DNAJC18: variants seen among roughly 807,000 people sequenced by gnomAD.
DNAJC18 encodes dnaJ homolog subfamily C member 18.
A neutral mutation model predicts 48.6 loss-of-function variants in DNAJC18; 40 were observed. The observed-to-expected ratio is 0.82, with a 90% confidence interval of 0.64 to 1.07. The LOEUF (loss-of-function observed/expected upper bound fraction) is 1.07, where lower values mean the gene tolerates loss of function less well. DNAJC18 is among the 50% of genes least tolerant of loss of function. The probability of loss-of-function intolerance (pLI) is 0.00; values close to 1 mark genes in which losing one functional copy is unlikely to be tolerated. For missense variants in DNAJC18, 340 were observed against 427.7 expected (o/e 0.79, Z 1.81); for synonymous variants, 135 against 152.2 (o/e 0.89, Z 0.83).
chr5:139,417,983 G>A (rs1581413555), intron 7 of DNAJC18, among the ~76,000 whole-genome samples: 1 of 152,176 alleles, frequency 6.6e-6, no homozygotes, highest in East Asian at 1.9e-4. Flanking sequence ...CTTACCATGA[G>A]CTCTTTGTAT....
rs1758981270 is a variant in DNAJC18 at position 139,410,651 on chromosome 5, G to A, written c.*3497C>T. ...AACAGAAAGCCACTGGAACGGCACA[G>A]TGCCTCCTCACAAAGCCCATCCTGG... On this transcript the variant is annotated 3_prime_UTR_variant, in exon 8 of 8. Coordinates refer to ENST00000302060, the MANE Select transcript of DNAJC18 (RefSeq NM_152686.4). The A allele has an allele frequency of 6.6e-6, 1 of 152,256 alleles. No individual in the cohort carries two copies. The highest frequency in any genetic ancestry group is 6.5e-5 in the Admixed American group (1 of 15,286). The allele number at this position is 152,256 out of a possible 1,614,324, so 9.4% of individuals were successfully genotyped here.
rs1750697599 is a variant in DNAJC18, at chr5:139,437,546, G to A, written c.53C>T (p.Ala18Val). ...TTCTGGGTATTTGTTTCTTCTAACTGCGTCAATGTAAGCTGCAAACAACAG... is the reference window on the plus strand; with the variant it reads ...TTCTGGGTATTTGTTTCTTCTAACTACGTCAATGTAAGCTGCAAACAACAG... ...GERWTEAYID[A>V]VRRNKYPEDT... Residue 18 changes from alanine to valine, a missense_variant, in exon 2 of 8, where the codon GCA (alanine) becomes GTA (valine). Ala to Val is a moderately conservative substitution (Grantham distance 64, BLOSUM62 0). Transcript: ENST00000302060. 2 of 1,611,586 alleles carry A rather than the reference G, an allele frequency of 1.2e-6. No individual in the cohort carries two copies. The highest frequency in any genetic ancestry group is 1.1e-5 in the South Asian group (1 of 90,616).
intron 2 of DNAJC18, among the ~76,000 whole-genome samples, chr5:139,434,823 C>CA (rs1750609425): frequency 6.6e-6 from 1 of 151,890 alleles, no homozygotes; most frequent in Non-Finnish European, 1.5e-5. Flanking sequence ...TGTAGTTTTA[C>CA]TCTTCTTTCC....
At chr5:139,421,680 C>T (rs1288534808) in intron 6 of DNAJC18, among the ~76,000 whole-genome samples, 1 of 149,918 alleles carries the variant, frequency 6.7e-6, no homozygotes, top group Non-Finnish European at 1.5e-5. Flanking sequence ...TGGTGCGTGC[C>T]GCCTGTAATT....
At chr5:139,432,619 A>G (rs1561469550) in intron 2 of DNAJC18, among the ~76,000 whole-genome samples, 4 of 152,190 alleles carry the variant, frequency 2.6e-5, no homozygotes, top group Admixed American at 2.0e-4. Flanking sequence ...GGCATGCACC[A>G]TAACCCTGAG....
At chr5:139,428,478 A>G in intron 3 of DNAJC18, 60 bp downstream of exon 3, 1 of 1,567,654 alleles carries the variant, frequency 6.4e-7, no homozygotes, top group Non-Finnish European at 8.6e-7. Context: ...GAAGGCTAAA[A>G]GCAACTTATT....
In DNAJC18 at chr5:139,432,789, C is replaced by T. The variant is rs145204573; in HGVS notation, c.228-4106G>A. On this transcript the variant is annotated intron_variant, in intron 2 of 7. Coordinates refer to ENST00000302060, the MANE Select transcript of DNAJC18 (RefSeq NM_152686.4). The stretch of plus-strand genomic sequence containing the variant: ...GCTGGCAGCTGGTGTTCATCTTTTC[C>T]ATTCAAGGCTCAGGGGTTAGCAACT... Among the ~76,000 whole-genome samples the T allele has an allele frequency of 1.4e-4, 21 of 152,306 alleles. No individual in the cohort carries two copies. In the East Asian group the frequency reaches 4.0e-3, roughly 29 times the overall value.
chr5:139,433,147 A>G (rs886639340), intron 2 of DNAJC18, among the ~76,000 whole-genome samples: 2 of 152,180 alleles, frequency 1.3e-5, no homozygotes, highest in Admixed American at 1.3e-4. Flanking sequence ...TAAAAGCTTC[A>G]TTTTCAATAT....
chr5:139,439,322 T>C lies in DNAJC18; in HGVS notation c.40+84A>G. 6.2e-7 allele frequency: 1 copy of C among 1,602,408 alleles called. No individual in the cohort carries two copies. Among genetic ancestry groups the C allele is most frequent in the African/African-American group, 1.3e-5 (1 of 74,804 alleles). On this transcript the variant is annotated intron_variant, in intron 1 of 7. Coordinates refer to ENST00000302060, the MANE Select transcript of DNAJC18 (RefSeq NM_152686.4). The surrounding 1 kb of genome is among the most constrained non-coding windows in gnomAD (Gnocchi z 4.1). The stretch of plus-strand genomic sequence containing the variant: ...TATCCATCACCTCAGACCCAGGATC[T>C]CAGCCCTTGTGCGTCTTCAGGATCC...
Position 139,414,031 on chromosome 5 carries a change from G to A in DNAJC18, c.*117C>T, listed in dbSNP as rs1007322237. 5.5e-6 allele frequency: 8 copies of A among 1,445,834 alleles called. No homozygotes were observed. Among genetic ancestry groups the A allele is most frequent in the African/African-American group, 2.9e-5 (2 of 69,218 alleles). 89.6% of individuals were successfully genotyped at this position (1,445,834 alleles called of 1,614,324 possible). A position where few individuals can be genotyped will look rare whatever the true frequency, so the allele number is the denominator to read the frequency against. ...GCTCCTGCCACTCTGCCCAACCAAC[G>A]AAGTTAGCAAATAGTAAAGTGTTCA... is the stretch of plus-strand genomic sequence containing the variant. On this transcript the variant is annotated 3_prime_UTR_variant, in exon 8 of 8. Transcript: ENST00000302060.
chr5:139,432,089 T>G (rs562330151), intron 2 of DNAJC18, among the ~76,000 whole-genome samples: 1 of 152,334 alleles, frequency 6.6e-6, no homozygotes, highest in South Asian at 2.1e-4. Context: ...GAGAACTTTG[T>G]ACGTTCCAGA....
chr5:139,424,959 A>T, intron 5 of DNAJC18, 46 bp downstream of exon 5: 1 of 1,541,758 alleles, frequency 6.5e-7, no homozygotes, highest in Non-Finnish European at 9.0e-7. Flanking sequence ...AAGGTTGGCC[A>T]AGTACAACTG....
rs940074285 is a variant in DNAJC18, at chr5:139,420,355, C to T, written c.780-130G>A. 5 of 889,072 alleles carry T rather than the reference C, an allele frequency of 5.6e-6. No homozygotes were observed. The African/African-American group carries it at 8.8e-5, about 16-fold the overall frequency. The allele number at this position is 889,072 out of a possible 1,614,324, so 55.1% of individuals were successfully genotyped here. A position where few individuals can be genotyped will look rare whatever the true frequency, so the allele number is the denominator to read the frequency against. ...AGGCAGATATCATTTTCTAATATAC[C>T]CAACACTTCTTATTTCCCTAGCAAA... On this transcript the variant is annotated intron_variant, in intron 6 of 7. Transcript: ENST00000302060.
At chr5:139,422,609 G>T in intron 6 of DNAJC18, 99 bp downstream of exon 6, 1 of 962,104 alleles carries the variant, frequency 1.0e-6, no homozygotes, top group Non-Finnish European at 1.6e-6. Flanking sequence ...GTTTTCTACA[G>T]CAAAAGGTGA....
chr5:139,420,228 G>A lies in DNAJC18; in HGVS notation c.780-3C>T, dbSNP rs1333390069. The A allele has an allele frequency of 6.2e-7, 1 of 1,603,706 alleles. No homozygotes were observed. The highest frequency in any genetic ancestry group is 1.1e-5 in the South Asian group (1 of 88,562). ...TAGAAATGGTGTAGCCCAAGGTCCT[G>A]AAACAAGGAGAGAGAGGCTCATGTG... On this transcript the variant is annotated splice_region_variant and splice_polypyrimidine_tract_variant and intron_variant, in intron 6 of 7. Coordinates refer to ENST00000302060, the MANE Select transcript of DNAJC18 (RefSeq NM_152686.4).
At chr5:139,437,215 C>T (rs1581424657) in intron 2 of DNAJC18, among the ~76,000 whole-genome samples, 157 bp downstream of exon 2, 1 of 152,088 alleles carries the variant, frequency 6.6e-6, no homozygotes, top group Non-Finnish European at 1.5e-5. Context: ...CCTAATATTC[C>T]ACTTCTATTC....
chr5:139,437,475 T>C lies in DNAJC18; in HGVS notation c.124A>G (p.Met42Val), dbSNP rs189342011. The change falls in exon 2 of 8, where the codon ATG becomes GTG. Residue 42 changes from methionine to valine, a missense_variant. By Grantham distance (21) the Met-to-Val change is conservative (BLOSUM62 1). Transcript: ENST00000302060. The stretch of plus-strand genomic sequence containing the variant: ...GACTTCTTTTCCTTTTGTGCCTTCA[T>C]GCAGTTACAGCAGCCACAGGGGTCA... ...SHDPCGCCNC[M>V]KAQKEKKSEN... The C allele has an allele frequency of 6.2e-7, 1 of 1,614,218 alleles. No individual in the cohort carries two copies. Among genetic ancestry groups the C allele is most frequent in the East Asian group, 2.2e-5 (1 of 44,874 alleles).
intron 1 of DNAJC18, 115 bp from the exon 2 acceptor site, chr5:139,437,673 C>T: frequency 7.9e-7 from 1 of 1,261,454 alleles, no homozygotes. Context: ...GCATGATGGC[C>T]AGGGCTAGAG....
intron 2 of DNAJC18, among the ~76,000 whole-genome samples, chr5:139,433,738 T>C (rs545327025): frequency 6.6e-6 from 1 of 152,342 alleles, no homozygotes; most frequent in South Asian, 2.1e-4. Flanking sequence ...TGTGAGCATA[T>C]GTTTTGATAG....
Sources: gnomAD v4.1 joint callset for allele counts (sites outside exome capture counted in the v4.1 genomes callset) on GRCh38, gnomAD v4.1.1 for gene constraint, Gnocchi (gnomAD v3.1) non-coding constraint, MANE v1.5 for transcripts, NCBI Gene and HGNC (gene_info 2026-07-23, HGNC 2026-07-21) for gene names.